TRPM8: variants seen among roughly 807,000 people sequenced by gnomAD.
The protein encoded by TRPM8 is transient receptor potential cation channel subfamily M member 8.
In TRPM8, 110 loss-of-function variants were observed where a neutral mutation model predicts 133.7. That is an observed-to-expected ratio of 0.82 (90% confidence interval 0.70 to 0.96). TRPM8 has a LOEUF of 0.96. TRPM8 is among the 40% of genes least tolerant of loss of function. The pLI is 0.00. For synonymous variants in TRPM8, 535 were observed against 532.3 expected (o/e 1.01, Z -0.07); for missense variants, 1,291 against 1,379.5 (o/e 0.94, Z 1.02).
At chr2:233,961,386 A>G (rs1023294549) in intron 12 of TRPM8, among the ~76,000 whole-genome samples, 1 of 151,896 alleles carries the variant, frequency 6.6e-6, no homozygotes, top group Non-Finnish European at 1.5e-5. Flanking sequence ...GCTCATTGCA[A>G]TCTCTGCCTC....
Position 233,980,183 on chromosome 2 carries a change from C to T in TRPM8, c.2356-5C>T, listed in dbSNP as rs199594101. 41 of 1,589,836 alleles carry T rather than the reference C, an allele frequency of 2.6e-5. No individual in the cohort carries two copies. Among genetic ancestry groups the T allele is most frequent in the Admixed American group, 1.2e-4 (7 of 57,208 alleles). The stretch of plus-strand genomic sequence containing the variant: ...ATGTCCCTCTCTGTCCCTTTCTGTA[C>T]GCAGTGGTACGTAAATGGGGTGAAT... On this transcript the variant is annotated splice_polypyrimidine_tract_variant and splice_region_variant and intron_variant, in intron 17 of 25. Coordinates refer to ENST00000324695, the MANE Select transcript of TRPM8 (RefSeq NM_024080.5).
In TRPM8 at chr2:233,966,634, G is replaced by A; in HGVS notation, c.1904G>A (p.Ser635Asn). The change falls in exon 15 of 26, where the codon AGC (serine) becomes AAC (asparagine). Residue 635 changes from serine (S) to asparagine (N), a missense_variant. Ser to Asn is a conservative substitution (Grantham distance 46). Around this residue, in one of 2 missense-constraint regions of TRPM8, gnomAD observed 963 missense variants for 968.9 expected, o/e 0.99. Coordinates refer to ENST00000324695, the MANE Select transcript of TRPM8 (RefSeq NM_024080.5). ...AVELFTECYSSDEDLAEQLLV... is the reference protein window; with the variant it reads ...AVELFTECYSNDEDLAEQLLV... ...GAGCTGTTCACTGAGTGTTACAGCA[G>A]CGATGAAGACTTGGCAGAACAGCTG... 6.2e-7 allele frequency: 1 copy of A among 1,614,136 alleles called. No homozygotes were observed. The highest frequency in any genetic ancestry group is 8.5e-7 in the Non-Finnish European group (1 of 1,180,040).
chr2:233,981,595 C>G (rs547147770), intron 18 of TRPM8, among the ~76,000 whole-genome samples, 179 bp from the exon 19 acceptor site: 6 of 152,144 alleles, frequency 3.9e-5, no homozygotes, highest in African/African-American at 1.4e-4. Flanking sequence ...GTCCTTGACT[C>G]TACTTGAGGC....
intron 10 of TRPM8, 30 bp downstream of exon 10, chr2:233,954,049 C>G: frequency 6.6e-7 from 1 of 1,506,548 alleles, no homozygotes. Context: ...TTTGAAGTGT[C>G]AGCTTTGTGT....
At chr2:233,966,907 C>A in intron 15 of TRPM8, 152 bp downstream of exon 15, 2 of 937,998 alleles carry the variant, frequency 2.1e-6, no homozygotes, top group Non-Finnish European at 3.0e-6. Flanking sequence ...GGGAGATGGC[C>A]AAGTATAGGC....
intron 2 of TRPM8, among the ~76,000 whole-genome samples, chr2:233,927,765 T>TTCCTTCCTTC (rs1691558535): frequency 1.4e-5 from 1 of 71,062 alleles, no homozygotes; most frequent in Non-Finnish European, 2.2e-5. Context: ...TTTCTTTCTT[T>TTCCTTCCTTC]CTTTCTTTCT....
At chr2:233,950,211 C>A (rs1691142959) in intron 9 of TRPM8, 65 bp downstream of exon 9, 3 of 1,469,872 alleles carry the variant, frequency 2.0e-6, no homozygotes, top group South Asian at 1.2e-5. Flanking sequence ...AGGGAGAATG[C>A]CTTAAACGCC....
chr2:233,940,632 A>AG (rs1690882657), intron 5 of TRPM8, among the ~76,000 whole-genome samples: 1 of 152,210 alleles, frequency 6.6e-6, no homozygotes, highest in African/African-American at 2.4e-5. Context: ...GTCCACTTGG[A>AG]GTGCTACCTT....
At chr2:233,945,202 C>T (rs1691011731) in intron 6 of TRPM8, among the ~76,000 whole-genome samples, 1 of 152,180 alleles carries the variant, frequency 6.6e-6, no homozygotes, top group Admixed American at 6.5e-5. Context: ...ACTTTAAAAC[C>T]TAAATGCCTT....
chr2:233,980,643 C>T (rs989215601), intron 18 of TRPM8, among the ~76,000 whole-genome samples: 2 of 152,186 alleles, frequency 1.3e-5, no homozygotes, highest in Non-Finnish European at 2.9e-5. Flanking sequence ...GTTGGGATCA[C>T]AGACATGAGC....
chr2:233,999,775 T>C (rs1692504460), intron 22 of TRPM8, among the ~76,000 whole-genome samples: 1 of 152,250 alleles, frequency 6.6e-6, no homozygotes, highest in Non-Finnish European at 1.5e-5. Flanking sequence ...TTATCTTTGA[T>C]GCCTCGAACA....
At position 234,015,223 on chromosome 2, in the gene TRPM8, C is replaced by T. The variant is rs115571596; in HGVS notation, c.*42+569C>T. 9.8e-3 allele frequency among the ~76,000 whole-genome samples: 1,495 copies of T among 152,310 alleles called. 24 individuals are homozygous for T. The highest frequency in any genetic ancestry group is 0.034 in the African/African-American group (1,399 of 41,568). On this transcript the variant is annotated intron_variant, in intron 25 of 25. Coordinates refer to ENST00000324695, the MANE Select transcript of TRPM8 (RefSeq NM_024080.5). ...TGACAAAATTTAACCCAAGGCTTTG[C>T]TCCATGGTCTTACTGTTTGCTTTTA... is the stretch of plus-strand genomic sequence containing the variant.
At chr2:233,990,395 T>G (rs1281755214) in intron 21 of TRPM8, among the ~76,000 whole-genome samples, 1 of 152,200 alleles carries the variant, frequency 6.6e-6, no homozygotes, top group Non-Finnish European at 1.5e-5. Flanking sequence ...GCAAGACAGC[T>G]CTGTCTAATA....
chr2:234,000,086 G>GATTTATTT (rs3078202), intron 22 of TRPM8, among the ~76,000 whole-genome samples: 47,746 of 143,886 alleles, frequency 0.33, 8,324 homozygotes, highest in Admixed American at 0.42. Flanking sequence ...CAATGTGGAT[G>GATTTATTT]ATTTATTTAT....
At chr2:234,009,042 T>A (rs1403217901) in intron 24 of TRPM8, among the ~76,000 whole-genome samples, 1 of 151,886 alleles carries the variant, frequency 6.6e-6, no homozygotes, top group African/African-American at 2.4e-5. Flanking sequence ...TGGGAAGAAG[T>A]GGGGGAGTCT....
At chr2:233,970,903 G>A (rs1404739715) in intron 17 of TRPM8, among the ~76,000 whole-genome samples, 1 of 152,128 alleles carries the variant, frequency 6.6e-6, no homozygotes, top group Non-Finnish European at 1.5e-5. Context: ...TATTCATGGT[G>A]CTTTTCTGCA....
At chr2:233,994,414 G>T (rs1453499583) in intron 21 of TRPM8, among the ~76,000 whole-genome samples, 1 of 152,158 alleles carries the variant, frequency 6.6e-6, no homozygotes, top group African/African-American at 2.4e-5. Context: ...TACCACTCAG[G>T]GTTGATGTGA....
rs368071027 is a variant in TRPM8 at position 233,987,775 on chromosome 2, G to A, written c.2939+1910G>A. Among the ~76,000 whole-genome samples the A allele has an allele frequency of 1.4e-4, 21 of 152,130 alleles. No homozygotes were observed. In the East Asian group the frequency reaches 2.1e-3, roughly 15 times the overall value. ...TGGGAGATAATCGAATCATGGGAGC[G>A]GTTTCCCCCATACTGTTCTCATGGT... On this transcript the variant is annotated intron_variant, in intron 21 of 25. Transcript: ENST00000324695.
chr2:233,974,689 A>T (rs1559536989), intron 17 of TRPM8, among the ~76,000 whole-genome samples: 1 of 152,128 alleles, frequency 6.6e-6, no homozygotes, highest in Non-Finnish European at 1.5e-5. Flanking sequence ...CATAGGCAGG[A>T]TCTTGAGCTC....
Sources: allele counts gnomAD v4.1 joint callset (sites outside exome capture counted in the v4.1 genomes callset), GRCh38; gene constraint gnomAD v4.1.1; regional missense constraint gnomAD v4.1.1; transcripts MANE v1.5; gene names NCBI Gene and HGNC (gene_info 2026-07-23, HGNC 2026-07-21).